NMT1: variants seen among roughly 807,000 people sequenced by gnomAD.
The protein encoded by NMT1 is N-myristoyltransferase 1.
NMT1 carries 12 observed loss-of-function variants against 63.4 expected under a neutral mutation model. The observed-to-expected ratio is 0.19, with a 90% CI of 0.12 to 0.31. The LOEUF (loss-of-function observed/expected upper bound fraction) is 0.31, where lower values mean the gene tolerates loss of function less well. NMT1 is among the 10% of genes least tolerant of loss of function. The probability of loss-of-function intolerance (pLI) is 1.00; values close to 1 mark genes in which losing one functional copy is unlikely to be tolerated. For missense variants in NMT1, 432 were observed against 634.6 expected (o/e 0.68, Z 3.43); for synonymous variants, 228 against 234.3 (o/e 0.97, Z 0.25).
At position 45,091,187 on chromosome 17, in the gene NMT1, G is replaced by GACACACACACACACACACACACAC. The variant is rs3062356; in HGVS notation, c.386-2471_386-2448dup. On this transcript the variant is annotated intron_variant, in intron 3 of 11. Transcript: ENST00000258960. The stretch of plus-strand genomic sequence containing the variant: ...ATATTTCCTCTGAGAGGTCTTTCCT[G>GACACACACACACACACACACACAC]ACACACACACACACACACACACACA... Among the ~76,000 whole-genome samples the GACACACACACACACACACACACAC allele has an allele frequency of 6.7e-4, 81 of 121,050 alleles. 3 individuals carry two copies. Among genetic ancestry groups the GACACACACACACACACACACACAC allele is most frequent in the Admixed American group, 1.6e-3 (19 of 11,970 alleles). 79.4% of individuals were successfully genotyped at this position (121,050 alleles called of 152,430 possible).
intron 2 of NMT1, among the ~76,000 whole-genome samples, chr17:45,085,759 A>G (rs545363791): frequency 6.6e-6 from 1 of 152,174 alleles, no homozygotes; most frequent in East Asian, 1.9e-4. Context: ...TCTGGTTGTA[A>G]TGACCTCTGG....
At chr17:45,102,768 C>A (rs2054175397) in intron 8 of NMT1, among the ~76,000 whole-genome samples, 183 bp from the exon 9 acceptor site, 1 of 152,192 alleles carries the variant, frequency 6.6e-6, no homozygotes, top group African/African-American at 2.4e-5. Context: ...TCTGCCTGGA[C>A]TAGGAGGGAA....
intron 8 of NMT1, 146 bp downstream of exon 8, chr17:45,099,659 C>T: frequency 1.6e-6 from 1 of 613,324 alleles, no homozygotes. Context: ...ATTTCCTGGA[C>T]TTTCTATTTC....
At chr17:45,063,339 G>A (rs1367843383) in intron 1 of NMT1, among the ~76,000 whole-genome samples, 1 of 151,980 alleles carries the variant, frequency 6.6e-6, no homozygotes, top group Non-Finnish European at 1.5e-5. Flanking sequence ...TTCTTTTGAA[G>A]TTTGATATTC....
chr17:45,081,841 C>T (rs1598009332), intron 2 of NMT1, 89 bp downstream of exon 2: 15 of 964,706 alleles, frequency 1.6e-5, no homozygotes, highest in East Asian at 2.6e-5. Context: ...CTTGGATTGA[C>T]GTTCTCCACT....
rs2054198011 is a variant in NMT1, at chr17:45,105,635, A to G, written c.1487A>G (p.Gln496Arg). The change falls in exon 12 of 12, where the codon CAA becomes CGA. Residue 496 changes from glutamine to arginine, a missense_variant. Gln to Arg is a conservative substitution (Grantham distance 43). Around this residue, in one of 4 missense-constraint regions of NMT1, gnomAD observed 13 missense variants for 16.7 expected, o/e 0.78. Transcript: ENST00000258960. The surrounding 1 kb of genome is among the most constrained non-coding windows in gnomAD (Gnocchi z 4.2). ...CTTTCCTAGGTTGGACTGGTGCTAC[A>G]ATAACCAGTCACCAGTGCGATTCTG... ...MGAEKVGLVL[Q>R] 6.2e-7 allele frequency: 1 copy of G among 1,613,290 alleles called. No individual in the cohort carries two copies.
At chr17:45,090,902 G>A (rs1187217223) in intron 3 of NMT1, among the ~76,000 whole-genome samples, 1 of 152,004 alleles carries the variant, frequency 6.6e-6, no homozygotes, top group Non-Finnish European at 1.5e-5. Flanking sequence ...GGTACTCAAA[G>A]GCCATTGTAA....
At chr17:45,100,294 C>G (rs2054153053) in intron 8 of NMT1, among the ~76,000 whole-genome samples, 2 of 152,052 alleles carry the variant, frequency 1.3e-5, no homozygotes, top group South Asian at 4.1e-4. Flanking sequence ...CTGCCAGGCG[C>G]AGTGGCTCAC....
intron 1 of NMT1, among the ~76,000 whole-genome samples, chr17:45,072,717 GC>G (rs2053950229): frequency 1.3e-5 from 2 of 151,328 alleles, no homozygotes; most frequent in African/African-American, 4.9e-5. Flanking sequence ...CCGCCACGAT[GC>G]CTGCCTAATT....
chr17:45,092,304 T>C (rs1193432376), intron 3 of NMT1, among the ~76,000 whole-genome samples: 2 of 152,082 alleles, frequency 1.3e-5, no homozygotes, highest in African/African-American at 2.4e-5. Context: ...CAGTAATGTG[T>C]CTGATGGAAG....
intron 1 of NMT1, among the ~76,000 whole-genome samples, chr17:45,073,865 G>A (rs931765075): frequency 6.6e-6 from 1 of 152,172 alleles, no homozygotes; most frequent in South Asian, 2.1e-4. Context: ...TAAGCCAGAT[G>A]GTTCTGAGAT....
At chr17:45,072,008 T>C (rs192910845) in intron 1 of NMT1, among the ~76,000 whole-genome samples, 56 of 152,264 alleles carry the variant, frequency 3.7e-4, no homozygotes, top group African/African-American at 1.3e-3. Flanking sequence ...TCCCAGCATT[T>C]TGGGAAATTG....
At chr17:45,089,149 C>T (rs1360749926) in intron 3 of NMT1, among the ~76,000 whole-genome samples, 1 of 152,234 alleles carries the variant, frequency 6.6e-6, no homozygotes, top group Non-Finnish European at 1.5e-5. Context: ...TGAGGCGTCA[C>T]CCTAGTTCTG....
At chr17:45,076,728 C>CA (rs781394772) in intron 1 of NMT1, among the ~76,000 whole-genome samples, 28 of 148,988 alleles carry the variant, frequency 1.9e-4, no homozygotes, top group Middle Eastern at 3.4e-3. Flanking sequence ...CCAGCCTGGG[C>CA]AACAAGAGTG....
At chr17:45,081,257 T>C (rs1697623148) in intron 1 of NMT1, among the ~76,000 whole-genome samples, 1 of 152,272 alleles carries the variant, frequency 6.6e-6, no homozygotes, top group Non-Finnish European at 1.5e-5. Flanking sequence ...AGCCCATCAC[T>C]GCCTTTTGGC....
chr17:45,099,638 A>G (rs150794233), intron 8 of NMT1, 125 bp downstream of exon 8: 8 of 671,638 alleles, frequency 1.2e-5, no homozygotes, highest in African/African-American at 1.1e-4. Context: ...GAACCAGCCC[A>G]TAGTCTTCAG....
intron 5 of NMT1, among the ~76,000 whole-genome samples, 196 bp from the exon 6 acceptor site, chr17:45,096,932 C>T (rs2054128396): frequency 6.6e-6 from 1 of 152,328 alleles, no homozygotes; most frequent in African/African-American, 2.4e-5. Flanking sequence ...AGTAACTAGG[C>T]CAAATGGGAT....
chr17:45,075,252 G>A (rs1279533769), intron 1 of NMT1, among the ~76,000 whole-genome samples: 7 of 152,126 alleles, frequency 4.6e-5, no homozygotes. Context: ...GGGAGGCTGA[G>A]GTGAGTGGAT....
intron 3 of NMT1, among the ~76,000 whole-genome samples, chr17:45,092,786 A>G (rs1250147584): frequency 1.3e-5 from 2 of 152,070 alleles, no homozygotes; most frequent in African/African-American, 4.8e-5. Context: ...GCATGAATTG[A>G]GTGCCTAGTC....
Sources: allele counts gnomAD v4.1 joint callset (sites outside exome capture counted in the v4.1 genomes callset), GRCh38; gene constraint gnomAD v4.1.1; regional missense constraint gnomAD v4.1.1; non-coding constraint Gnocchi (gnomAD v3.1); transcripts MANE v1.5; gene names NCBI Gene and HGNC (gene_info 2026-07-23, HGNC 2026-07-21).